The following HGS variants were observed in gnomAD, a reference collection of about 807,000 sequenced individuals.
HGS encodes hepatocyte growth factor-regulated tyrosine kinase substrate, also known as human growth factor-regulated tyrosine kinase substrate.
Under a neutral mutation model 109.7 loss-of-function variants are expected in HGS, and 63 were observed. The ratio of observed to expected loss-of-function variants is 0.57; its 90% CI spans 0.47 to 0.71. The LOEUF is 0.71. HGS is among the 30% of genes least tolerant of loss of function. The pLI is 0.00. For missense variants in HGS, 995 were observed against 1,068.3 expected (o/e 0.93, Z 0.96); for synonymous variants, 546 against 437.3 (o/e 1.25, Z -3.10).
intron 14 of HGS, 86 bp from the exon 15 acceptor site, chr17:81,695,698 GTA>G: frequency 8.5e-7 from 1 of 1,177,914 alleles, no homozygotes; most frequent in Non-Finnish European, 1.3e-6. Flanking sequence ...CCAGGCTTGA[GTA>G]TAGCTGGGTG....
Position 81,695,054 on chromosome 17 carries a change from C to T in HGS, c.1106C>T (p.Thr369Ile). 1.2e-6 allele frequency: 2 copies of T among 1,613,380 alleles called. No homozygotes were observed. Among genetic ancestry groups the T allele is most frequent in the Non-Finnish European group, 1.7e-6 (2 of 1,179,464 alleles). ...CCTGGGGAAGGGCACGCAGCCCCCA[C>T]CAACGTGGTGGAGGTGAGGGGGCCA... Reference protein sequence around the residue: ...AQPGEGHAAPTNVVENPLPET... With the variant: ...AQPGEGHAAPINVVENPLPET... The change falls in exon 13 of 22, where the codon ACC (threonine) becomes ATC (isoleucine). Residue 369 changes from threonine to isoleucine, a missense_variant. Physicochemically the swap from Thr to Ile is moderately conservative, Grantham distance 89. Around this residue, in one of 6 missense-constraint regions of HGS, gnomAD observed 300 missense variants for 235.4 expected, o/e 1.27. Transcript: ENST00000329138.
At chr17:81,694,229 C>A (rs981910212) in intron 11 of HGS, among the ~76,000 whole-genome samples, 1 of 152,214 alleles carries the variant, frequency 6.6e-6, no homozygotes. Context: ...GAGACCCCGT[C>A]TCTTCCACAC....
Position 81,691,499 on chromosome 17 carries a change from A to G in HGS, c.590A>G (p.Tyr197Cys). 3 of 1,613,824 alleles carry G rather than the reference A, an allele frequency of 1.9e-6. No homozygotes were observed. The highest frequency in any genetic ancestry group is 3.3e-4 in the Middle Eastern group (2 of 6,062). The change falls in exon 8 of 22, where the codon TAC becomes TGC. Residue 197 changes from tyrosine (Y) to cysteine (C), a missense_variant. Around this residue, in one of 6 missense-constraint regions of HGS, gnomAD observed 182 missense variants for 261.3 expected, o/e 0.70. Coordinates refer to ENST00000329138, the MANE Select transcript of HGS (RefSeq NM_004712.5). This position sits in a 1 kb window ranked among gnomAD's most constrained non-coding sequence, Gnocchi z 5.3. Reference protein sequence around the residue: ...QIFCGKCSSKYSTIPKFGIEK... With the variant: ...QIFCGKCSSKCSTIPKFGIEK... ...TTCTGTGGAAAGTGTTCTTCCAAGT[A>G]CTCCACCATCCCCAAGTTTGGCATC...
chr17:81,696,811 C>G lies in HGS; in HGVS notation c.1708-13C>G. ...TGAGGACCAACTCTCACCGCTGTCT[C>G]TTTTGTCCCCAGCTCCAGGCCATGC... On this transcript the variant is annotated splice_polypyrimidine_tract_variant and intron_variant, in intron 17 of 21. Coordinates refer to ENST00000329138, the MANE Select transcript of HGS (RefSeq NM_004712.5). The G allele has an allele frequency of 6.2e-7, 1 of 1,605,480 alleles. No homozygotes were observed. The highest frequency in any genetic ancestry group is 1.1e-5 in the South Asian group (1 of 90,738).
chr17:81,700,326 G>A (rs1237691648), intron 18 of HGS, 141 bp from the exon 19 acceptor site: 3 of 790,674 alleles, frequency 3.8e-6, no homozygotes, highest in Non-Finnish European at 5.7e-6. Flanking sequence ...CCAGGATTGT[G>A]CCACTGCACT....
chr17:81,686,091 C>A (rs929789599), intron 2 of HGS, among the ~76,000 whole-genome samples: 1 of 152,022 alleles, frequency 6.6e-6, no homozygotes, highest in African/African-American at 2.4e-5. Context: ...CCATCACGCC[C>A]GGCTGATTTT....
chr17:81,687,469 G>A (rs76836802), intron 4 of HGS, among the ~76,000 whole-genome samples: 2,169 of 152,292 alleles, frequency 0.014, 65 homozygotes, highest in African/African-American at 0.049. Context: ...GAGAGTGGCT[G>A]TGGTCCGGAG....
intron 8 of HGS, chr17:81,692,272 C>T (rs1444336587): frequency 6.6e-6 from 1 of 152,250 alleles, no homozygotes; most frequent in African/African-American, 2.4e-5. Flanking sequence ...CTGCTTGGTT[C>T]CCTTTTCCTG....
At position 81,684,107 on chromosome 17, in the gene HGS, A is replaced by T; in HGVS notation, c.37+4A>T. 1 of 1,575,506 alleles carries T rather than the reference A, an allele frequency of 6.3e-7. No homozygotes were observed. The highest frequency in any genetic ancestry group is 8.6e-7 in the Non-Finnish European group (1 of 1,162,976). ...GGCACCTTCGAGCGTCTCCTAGGTA[A>T]CGCGTCCCCACCCGACGGCTCGGCC... On this transcript the variant is annotated splice_donor_region_variant and intron_variant, in intron 1 of 21. Coordinates refer to ENST00000329138, the MANE Select transcript of HGS (RefSeq NM_004712.5).
At position 81,691,539 on chromosome 17, in the gene HGS, CG is replaced by C. The variant is rs760348336; in HGVS notation, c.631del (p.Val211CysfsTer9). The C allele has an allele frequency of 6.2e-7, 1 of 1,614,118 alleles. No individual in the cohort carries two copies. Among genetic ancestry groups the C allele is most frequent in the South Asian group, 1.1e-5 (1 of 91,086 alleles). ...AGTTTGGCATCGAGAAGGAGGTGCG[CG>C]TGTGTGAGCCCTGCTACGAGCAGCT... The part of the protein sequence containing the change: ...PKFGIEKEVR[V>X]CEPCYEQLNR... On this transcript the variant is annotated frameshift_variant, in exon 8 of 22. Coordinates refer to ENST00000329138, the MANE Select transcript of HGS (RefSeq NM_004712.5). LOFTEE classifies it high-confidence loss of function. The surrounding 1 kb of genome is among the most constrained non-coding windows in gnomAD (Gnocchi z 5.3).
intron 5 of HGS, among the ~76,000 whole-genome samples, chr17:81,689,733 C>T (rs1462327013): frequency 6.6e-6 from 1 of 152,156 alleles, no homozygotes; most frequent in Non-Finnish European, 1.5e-5. Flanking sequence ...CTGCCTTGGA[C>T]CCTCAACTTT....
Position 81,684,086 on chromosome 17 carries a change from C to A in HGS, c.20C>A (p.Thr7Asn). 6.3e-7 allele frequency: 1 copy of A among 1,593,604 alleles called. No homozygotes were observed. The highest frequency in any genetic ancestry group is 2.3e-5 in the East Asian group (1 of 43,948). The change falls in exon 1 of 22, where the codon ACC becomes AAC. Residue 7 changes from threonine (T) to asparagine (N), a missense_variant. Physicochemically the swap from Thr to Asn is moderately conservative, Grantham distance 65. This residue lies in a region of HGS where 23 missense variants were observed against 25.4 expected (regional missense o/e 0.91). Transcript: ENST00000329138. MGRGSG[T>N]FERLLDKATS... ...GTCGCCATGGGGCGAGGCAGCGGCA[C>A]CTTCGAGCGTCTCCTAGGTAACGCG...
intron 18 of HGS, among the ~76,000 whole-genome samples, chr17:81,699,797 C>T (rs904693317): frequency 1.3e-5 from 2 of 151,676 alleles, no homozygotes; most frequent in Non-Finnish European, 2.9e-5. Context: ...AAACTCCTGG[C>T]CGGGCGGTGG....
intron 4 of HGS, 68 bp downstream of exon 4, chr17:81,687,163 G>A: frequency 9.5e-7 from 1 of 1,054,434 alleles, no homozygotes; most frequent in Non-Finnish European, 1.5e-6. Context: ...GTGTTTACTG[G>A]GCACTGATGA....
rs2037241234 is a variant in HGS at position 81,701,716 on chromosome 17, C to T, written c.*98C>T. 6 of 1,462,634 alleles carry T rather than the reference C, an allele frequency of 4.1e-6. No individual in the cohort carries two copies. The highest frequency in any genetic ancestry group is 2.5e-5 in the East Asian group (1 of 39,500). The allele number at this position is 1,462,634 out of a possible 1,614,324, so 90.6% of individuals were successfully genotyped here. The stretch of plus-strand genomic sequence containing the variant: ...GTCCTGCCTCCCTGTCCTCTACTGC[C>T]GGTAGTGTCCCTTCTCTGCGAGTGA... On this transcript the variant is annotated 3_prime_UTR_variant, in exon 22 of 22. Coordinates refer to ENST00000329138, the MANE Select transcript of HGS (RefSeq NM_004712.5).
chr17:81,700,191 C>T (rs995520612), intron 18 of HGS, among the ~76,000 whole-genome samples: 1 of 151,218 alleles, frequency 6.6e-6, no homozygotes, highest in African/African-American at 2.4e-5. Context: ...ATGATGAAAC[C>T]CCATCTTTAT....
intron 18 of HGS, chr17:81,698,143 C>G (rs1350372542): frequency 6.6e-6 from 1 of 152,170 alleles, no homozygotes; most frequent in Non-Finnish European, 1.5e-5. Context: ...ACTAAACATA[C>G]AAACATTAGG....
Position 81,700,689 on chromosome 17 carries a change from C to T in HGS, c.2017-6C>T, listed in dbSNP as rs1199820691. 1 of 1,605,816 alleles carries T rather than the reference C, an allele frequency of 6.2e-7. No homozygotes were observed. The highest frequency in any genetic ancestry group is 1.1e-5 in the South Asian group (1 of 90,590). ...CCTTCTCCCATGGCACTCATTCCCT[C>T]CGCAGAACGTGGCCTCCCAGGCCCC... On this transcript the variant is annotated splice_region_variant and splice_polypyrimidine_tract_variant and intron_variant, in intron 19 of 21. Transcript: ENST00000329138.
At chr17:81,695,417 T>C (rs1014504555) in intron 14 of HGS, among the ~76,000 whole-genome samples, 194 bp downstream of exon 14, 13 of 152,266 alleles carry the variant, frequency 8.5e-5, no homozygotes, top group Admixed American at 2.6e-4. Flanking sequence ...CAGGCTGTGG[T>C]CCAGAGCTCG....
Sources: allele counts gnomAD v4.1 joint callset (sites outside exome capture counted in the v4.1 genomes callset), GRCh38; gene constraint gnomAD v4.1.1; regional missense constraint gnomAD v4.1.1; non-coding constraint Gnocchi (gnomAD v3.1); transcripts MANE v1.5; gene names NCBI Gene and HGNC (gene_info 2026-07-23, HGNC 2026-07-21).